The following POLR3D variants were observed in gnomAD, a reference collection of about 807,000 sequenced individuals.
The protein encoded by POLR3D is DNA-directed RNA polymerase III subunit RPC4.
POLR3D carries 42 observed loss-of-function variants against 44.5 expected under a neutral mutation model. That is an observed-to-expected ratio of 0.94 (90% CI 0.74 to 1.22). The LOEUF (loss-of-function observed/expected upper bound fraction) is 1.22, where lower values mean the gene tolerates loss of function less well. Ranked by LOEUF, POLR3D falls within the 50% of genes most tolerant of loss-of-function variation. POLR3D has a pLI of 0.00. For missense variants in POLR3D, 507 were observed against 505.2 expected (o/e 1.00, Z -0.03); for synonymous variants, 217 against 198.1 (o/e 1.10, Z -0.80).
At chr8:22,248,356 G>A in intron 5 of POLR3D, 78 bp downstream of exon 5, 1 of 1,584,122 alleles carries the variant, frequency 6.3e-7, no homozygotes, top group Non-Finnish European at 8.6e-7. Flanking sequence ...GTGAGGGGTA[G>A]AAGAGCTTAC....
chr8:22,248,675 T>A, intron 6 of POLR3D, 26 bp downstream of exon 6: 6 of 1,596,632 alleles, frequency 3.8e-6, no homozygotes, highest in Non-Finnish European at 5.1e-6. Context: ...ACTTCTCATC[T>A]CCAATTCCAT....
At position 22,252,289 on chromosome 8, in the gene POLR3D, C is replaced by T. The variant is rs1830111485; in HGVS notation, c.*1771C>T. The T allele has an allele frequency of 6.5e-6, 1 of 153,830 alleles. No homozygotes were observed. Among genetic ancestry groups the T allele is most frequent in the East Asian group, 1.9e-4 (1 of 5,184 alleles). The allele number at this position is 153,830 out of a possible 1,614,324, so 9.5% of individuals were successfully genotyped here. On this transcript the variant is annotated 3_prime_UTR_variant, in exon 9 of 9. Transcript: ENST00000306433. Reference sequence around the variant, plus strand: ...GCTTTGGTTAACTCTGGGCTCCAGCCCTTTCTTCCTTTAAATAGCTGATGC... The same window carrying T: ...GCTTTGGTTAACTCTGGGCTCCAGCTCTTTCTTCCTTTAAATAGCTGATGC...
chr8:22,247,754 T>C (rs899640943), intron 3 of POLR3D, 103 bp from the exon 4 acceptor site: 3 of 1,101,758 alleles, frequency 2.7e-6, no homozygotes, highest in Non-Finnish European at 2.6e-6. Flanking sequence ...AAATATTGGC[T>C]CAAACTCTCC....
In POLR3D at chr8:22,248,648, A is replaced by G. The variant is rs752190166; in HGVS notation, c.654A>G (p.Lys218=). ...EDMEVDIPAV[K]VKEEPRDEEE... ...TGGAGGTGGACATACCTGCTGTGAA[A>G]GGTACTCTGTCGGTTAACTTCTCAT... The change falls in exon 6 of 9, where the codon AAA becomes AAG. Residue 218 remains lysine, a splice_region_variant and synonymous_variant. Coordinates refer to ENST00000306433, the MANE Select transcript of POLR3D (RefSeq NM_001722.3). 1 of 1,612,324 alleles carries G rather than the reference A, an allele frequency of 6.2e-7. No homozygotes were observed. Among genetic ancestry groups the G allele is most frequent in the Non-Finnish European group, 8.5e-7 (1 of 1,179,412 alleles).
At position 22,249,122 on chromosome 8, in the gene POLR3D, T is replaced by A. The variant is rs370868613; in HGVS notation, c.734T>A (p.Leu245His). Reference sequence around the variant, plus strand: ...AAAGCAGCCAGGAAGACTCCAGGCCTCCCGAAGGATGTATCTGTGGCAGAG... The same window carrying A: ...AAAGCAGCCAGGAAGACTCCAGGCCACCCGAAGGATGTATCTGTGGCAGAG... Reference protein sequence around the residue: ...PPKAARKTPGLPKDVSVAELL... With the variant: ...PPKAARKTPGHPKDVSVAELL... The change falls in exon 7 of 9, where the codon CTC (leucine) becomes CAC (histidine). Residue 245 changes from leucine to histidine, a missense_variant. Physicochemically the swap from Leu to His is moderately conservative, Grantham distance 99. Transcript: ENST00000306433. The A allele has an allele frequency of 6.2e-7, 1 of 1,613,924 alleles. No homozygotes were observed. Among genetic ancestry groups the A allele is most frequent in the Admixed American group, 1.7e-5 (1 of 59,978 alleles).
chr8:22,245,261 G>C, intron 1 of POLR3D, 78 bp downstream of exon 1: 1 of 541,646 alleles, frequency 1.8e-6, no homozygotes, highest in Non-Finnish European at 3.3e-6. Context: ...TCCTGGAGAG[G>C]GCGTGTCGCG....
At chr8:22,246,747 A>C (rs1472886721) in intron 2 of POLR3D, among the ~76,000 whole-genome samples, 1 of 152,188 alleles carries the variant, frequency 6.6e-6, no homozygotes, top group Non-Finnish European at 1.5e-5. Flanking sequence ...CCCAGCCATA[A>C]AGCAGTTTTT....
Position 22,249,031 on chromosome 8 carries a change from A to G in POLR3D, c.656-13A>G, listed in dbSNP as rs373329784. ...GGTCACTTGATAGCATTCCATGTCT[A>G]TCACCCGGGCAGTGAAAGAGGAGCC... On this transcript the variant is annotated splice_polypyrimidine_tract_variant and intron_variant, in intron 6 of 8. Transcript: ENST00000306433. 2.5e-6 allele frequency: 4 copies of G among 1,612,990 alleles called. No individual in the cohort carries two copies. The highest frequency in any genetic ancestry group is 1.7e-5 in the Admixed American group (1 of 59,944).
Position 22,249,209 on chromosome 8 carries a change from C to T in POLR3D, c.821C>T (p.Thr274Ile). Residue 274 changes from threonine (T) to isoleucine (I), a missense_variant, in exon 7 of 9, where the codon ACC becomes ATC. Coordinates refer to ENST00000306433, the MANE Select transcript of POLR3D (RefSeq NM_001722.3). ...CTGCTGTTTCTGCAGCTGCCAGACA[C>T]CCTCCCTGGCCAGCCACCCACCCAG... ...EELLFLQLPD[T>I]LPGQPPTQDI... 6.2e-7 allele frequency: 1 copy of T among 1,614,072 alleles called. No individual in the cohort carries two copies. The highest frequency in any genetic ancestry group is 8.5e-7 in the Non-Finnish European group (1 of 1,180,004).
In POLR3D at chr8:22,251,098, A is replaced by C. The variant is rs9173; in HGVS notation, c.*580A>C. On this transcript the variant is annotated 3_prime_UTR_variant, in exon 9 of 9. Transcript: ENST00000306433. The stretch of plus-strand genomic sequence containing the variant: ...GGGTTGGCGTGAGGATTCATGGGCT[A>C]TTATAGATGAAAACTGCACAAGGCC... 47,066 of 154,188 alleles carry C rather than the reference A, an allele frequency of 0.31. 8,972 individuals are homozygous for C. The highest frequency in any genetic ancestry group is 0.58 in the East Asian group (3,029 of 5,184). 9.6% of individuals were successfully genotyped at this position (154,188 alleles called of 1,614,324 possible). A position where few individuals can be genotyped will look rare whatever the true frequency, so the allele number is the denominator to read the frequency against.
At position 22,248,493 on chromosome 8, in the gene POLR3D, C is replaced by T. The variant is rs1215716912; in HGVS notation, c.499C>T (p.Pro167Ser). 6.2e-7 allele frequency: 1 copy of T among 1,613,984 alleles called. No individual in the cohort carries two copies. Among genetic ancestry groups the T allele is most frequent in the Non-Finnish European group, 8.5e-7 (1 of 1,179,940 alleles). ...MLEKDDFLDD[P>S]GLRNDTRNMP... ...CTCTCTTTGGCAGTTCCTCGATGACCCCGGCCTGAGGAACGACACTCGAAA... is the reference window on the plus strand; with the variant it reads ...CTCTCTTTGGCAGTTCCTCGATGACTCCGGCCTGAGGAACGACACTCGAAA... Residue 167 changes from proline to serine, a missense_variant, in exon 6 of 9, where the codon CCC becomes TCC. Coordinates refer to ENST00000306433, the MANE Select transcript of POLR3D (RefSeq NM_001722.3).
rs757417606 is a variant in POLR3D at position 22,247,855 on chromosome 8, A to C, written c.210-2A>C. 1 of 1,610,568 alleles carries C rather than the reference A, an allele frequency of 6.2e-7. No individual in the cohort carries two copies. On this transcript the variant is annotated splice_acceptor_variant, in intron 3 of 8. Coordinates refer to ENST00000306433, the MANE Select transcript of POLR3D (RefSeq NM_001722.3). LOFTEE classifies it high-confidence loss of function. ...TTTCCCTTAATCCATTCTTTTTTCCAGGCCCAAGGAAGAAGTAACTGTCAA... is the reference window on the plus strand; with the variant it reads ...TTTCCCTTAATCCATTCTTTTTTCCCGGCCCAAGGAAGAAGTAACTGTCAA...
In POLR3D at chr8:22,247,868, A is replaced by G. The variant is rs1830058362; in HGVS notation, c.221A>G (p.Glu74Gly). Residue 74 changes from glutamate (E) to glycine (G), a missense_variant, in exon 4 of 9, where the codon GAA becomes GGA. Transcript: ENST00000306433. Reference sequence around the variant, plus strand: ...ATTCTTTTTTCCAGGCCCAAGGAAGAAGTAACTGTCAAGAAGGAGAAGCGT... The same window carrying G: ...ATTCTTTTTTCCAGGCCCAAGGAAGGAGTAACTGTCAAGAAGGAGAAGCGT... The part of the protein sequence containing the change: ...SRKIKEEPKE[E>G]VTVKKEKRER... The G allele has an allele frequency of 6.8e-6, 11 of 1,613,388 alleles. No individual in the cohort carries two copies. Among genetic ancestry groups the G allele is most frequent in the Non-Finnish European group, 9.3e-6 (11 of 1,179,830 alleles).
At position 22,249,262 on chromosome 8, in the gene POLR3D, C is replaced by T; in HGVS notation, c.874C>T (p.Gln292Ter). The change falls in exon 7 of 9, where the codon CAG becomes TAG. Residue 292 changes from glutamine (Q) to a stop codon, truncating the protein, a stop_gained. Coordinates refer to ENST00000306433, the MANE Select transcript of POLR3D (RefSeq NM_001722.3). LOFTEE classifies it high-confidence loss of function. Reference sequence around the variant, plus strand: ...CATCAAGCCTATCAAGACAGAGGTGCAGGGCGAGGACGGACAGGTGGTGCT... The same window carrying T: ...CATCAAGCCTATCAAGACAGAGGTGTAGGGCGAGGACGGACAGGTGGTGCT... The part of the protein sequence containing the change: ...QDIKPIKTEV[Q>*]GEDGQVVLIK... The T allele has an allele frequency of 6.2e-7, 1 of 1,614,026 alleles. No individual in the cohort carries two copies. Among genetic ancestry groups the T allele is most frequent in the Non-Finnish European group, 8.5e-7 (1 of 1,180,016 alleles).
rs957035640 is a variant in POLR3D, at chr8:22,251,446, T to G, written c.*928T>G. On this transcript the variant is annotated 3_prime_UTR_variant, in exon 9 of 9. Coordinates refer to ENST00000306433, the MANE Select transcript of POLR3D (RefSeq NM_001722.3). ...CCTACAAAAGCCTTTGGGGGACATG[T>G]TGGGCCCAGGACATGTTCCCTGCAC... 3 of 153,726 alleles carry G rather than the reference T, an allele frequency of 2.0e-5. No homozygotes were observed. Among genetic ancestry groups the G allele is most frequent in the African/African-American group, 7.2e-5 (3 of 41,440 alleles). 9.5% of individuals were successfully genotyped at this position (153,726 alleles called of 1,614,324 possible).
chr8:22,248,837 G>T (rs1830070004), intron 6 of POLR3D, among the ~76,000 whole-genome samples, 188 bp downstream of exon 6: 2 of 152,206 alleles, frequency 1.3e-5, no homozygotes, highest in South Asian at 4.1e-4. Flanking sequence ...TGTTGACAGG[G>T]AGCAGTGGGC....
chr8:22,247,387 A>G, intron 3 of POLR3D, 123 bp downstream of exon 3: 1 of 680,250 alleles, frequency 1.5e-6, no homozygotes, highest in East Asian at 2.6e-5. Context: ...TCTTTTCACT[A>G]GTGATTTTCA....
At position 22,252,900 on chromosome 8, in the gene POLR3D, A is replaced by C. The variant is rs1830117063; in HGVS notation, c.*2382A>C. On this transcript the variant is annotated 3_prime_UTR_variant, in exon 9 of 9. Coordinates refer to ENST00000306433, the MANE Select transcript of POLR3D (RefSeq NM_001722.3). ...CCAGTAACTTTGGTTGGAAAAAATC[A>C]CTTATCCTCTTTAAGCTTGATTTTA... The C allele has an allele frequency of 6.6e-6, 1 of 152,188 alleles. No homozygotes were observed. Among genetic ancestry groups the C allele is most frequent in the African/African-American group, 2.4e-5 (1 of 41,438 alleles). 9.4% of individuals were successfully genotyped at this position (152,188 alleles called of 1,614,324 possible). A position where few individuals can be genotyped will look rare whatever the true frequency, so the allele number is the denominator to read the frequency against.
At chr8:22,249,673 T>C (rs1179932467) in intron 7 of POLR3D, among the ~76,000 whole-genome samples, 1 of 152,046 alleles carries the variant, frequency 6.6e-6, no homozygotes, top group Admixed American at 6.6e-5. Context: ...AATACAAAAA[T>C]TAGCCAGGCA....
Sources: gnomAD v4.1 joint callset for allele counts (sites outside exome capture counted in the v4.1 genomes callset) on GRCh38, gnomAD v4.1.1 for gene constraint, MANE v1.5 for transcripts, NCBI Gene and HGNC (gene_info 2026-07-23, HGNC 2026-07-21) for gene names.